Variants in KCND2 observed in about 807,000 individuals in gnomAD.
The protein encoded by KCND2 is A-type voltage-gated potassium channel KCND2.
KCND2 carries 16 observed loss-of-function variants against 54.4 expected under a neutral mutation model. The observed-to-expected ratio is 0.29, with a 90% CI of 0.20 to 0.45. The LOEUF (loss-of-function observed/expected upper bound fraction) is 0.45, where lower values mean the gene tolerates loss of function less well. Ranked by LOEUF, KCND2 falls within the 20% of genes least tolerant of loss-of-function variation. The pLI, the probability that KCND2 is intolerant of heterozygous loss-of-function variation, is 1.00. For synonymous variants in KCND2, 317 were observed against 310.7 expected, an observed-to-expected ratio of 1.02 and a Z score of -0.21; for missense variants, 486 against 824.2, an observed-to-expected ratio of 0.59 and a Z score of 5.02.
intron 1 of KCND2, among the ~76,000 whole-genome samples, chr7:120,584,683 A>C (rs1050978410): frequency 1.3e-5 from 2 of 152,228 alleles, no homozygotes; most frequent in Non-Finnish European, 2.9e-5. Flanking sequence ...TCCTAAATAC[A>C]TGGACCCACT....
At chr7:120,501,711 A>T (rs1802937533) in intron 1 of KCND2, among the ~76,000 whole-genome samples, 1 of 152,154 alleles carries the variant, frequency 6.6e-6, no homozygotes, top group Non-Finnish European at 1.5e-5. Flanking sequence ...CAAACGTAAG[A>T]AACTCGATAA....
intron 1 of KCND2, among the ~76,000 whole-genome samples, chr7:120,592,737 C>T (rs952804059): frequency 6.6e-6 from 1 of 152,158 alleles, no homozygotes; most frequent in Non-Finnish European, 1.5e-5. Flanking sequence ...AAACAAGTTA[C>T]ACAGATTGTA....
chr7:120,341,126 A>G (rs902517454), intron 1 of KCND2, among the ~76,000 whole-genome samples: 1 of 152,140 alleles, frequency 6.6e-6, no homozygotes, highest in Non-Finnish European at 1.5e-5. Context: ...AGGCTGTGAG[A>G]CTTTCTGAAG....
intron 1 of KCND2, among the ~76,000 whole-genome samples, chr7:120,606,125 C>T (rs1792878627): frequency 6.6e-6 from 1 of 152,174 alleles, no homozygotes; most frequent in Admixed American, 6.5e-5. Context: ...GAGGCCTCCC[C>T]AGCCATGTGG....
intron 1 of KCND2, among the ~76,000 whole-genome samples, chr7:120,671,302 C>T (rs1791990487): frequency 6.6e-6 from 1 of 151,948 alleles, no homozygotes; most frequent in African/African-American, 2.4e-5. Context: ...ATTGGGTTTG[C>T]CATACTGTGA....
intron 1 of KCND2, among the ~76,000 whole-genome samples, chr7:120,578,893 G>A (rs748069542): frequency 7.3e-5 from 11 of 150,372 alleles, no homozygotes; most frequent in Admixed American, 1.3e-4. Context: ...ACTCCAACCT[G>A]GGTGACAGAG....
intron 1 of KCND2, among the ~76,000 whole-genome samples, chr7:120,438,708 A>G (rs976290408): frequency 5.9e-5 from 9 of 152,162 alleles, no homozygotes; most frequent in African/African-American, 2.2e-4. Flanking sequence ...AATGTCACAC[A>G]TGAAAAAATA....
chr7:120,545,996 A>G (rs1584822020), intron 1 of KCND2, among the ~76,000 whole-genome samples: 1 of 152,078 alleles, frequency 6.6e-6, no homozygotes, highest in East Asian at 1.9e-4. Flanking sequence ...AAGAAATAAA[A>G]TGATGGTGTA....
At chr7:120,604,449 G>GC (rs1480914260) in intron 1 of KCND2, among the ~76,000 whole-genome samples, 1 of 150,656 alleles carries the variant, frequency 6.6e-6, no homozygotes, top group Non-Finnish European at 1.5e-5. Context: ...GTTGTAGTGA[G>GC]CCGAGGTCGT....
chr7:120,488,442 T>G (rs1802725361), intron 1 of KCND2, among the ~76,000 whole-genome samples: 1 of 151,758 alleles, frequency 6.6e-6, no homozygotes, highest in African/African-American at 2.4e-5. Flanking sequence ...GCTCTTGATT[T>G]GGAAAAAAAG....
At chr7:120,482,908 C>T (rs922198370) in intron 1 of KCND2, among the ~76,000 whole-genome samples, 10 of 152,152 alleles carry the variant, frequency 6.6e-5, no homozygotes, top group Admixed American at 2.0e-4. Flanking sequence ...TGATTAATTG[C>T]GTCACTTATT....
chr7:120,274,860 C>T lies in KCND2; in HGVS notation c.228C>T (p.Tyr76=). ...GCAGTTCTGAGAGGGACTTTTTCTACCACCCAGAAACTCAGCAGTATTTCT... is the reference window on the plus strand; with the variant it reads ...GCAGTTCTGAGAGGGACTTTTTCTATCACCCAGAAACTCAGCAGTATTTCT... The part of the protein sequence containing the change: ...LLGSSERDFF[Y]HPETQQYFFD... Residue 76 remains tyrosine, a synonymous_variant, in exon 1 of 6, where the codon TAC becomes TAT. Transcript: ENST00000331113. The T allele has an allele frequency of 6.2e-7, 1 of 1,614,166 alleles. No individual in the cohort carries two copies. The highest frequency in any genetic ancestry group is 8.5e-7 in the Non-Finnish European group (1 of 1,180,018).
intron 1 of KCND2, among the ~76,000 whole-genome samples, chr7:120,587,680 A>C (rs1313656542): frequency 6.6e-6 from 1 of 152,300 alleles, no homozygotes; most frequent in Middle Eastern, 3.4e-3. Context: ...ATGAAAAACC[A>C]CCACTTTCAG....
intron 1 of KCND2, among the ~76,000 whole-genome samples, chr7:120,667,655 G>C (rs1791945128): frequency 6.6e-6 from 1 of 151,940 alleles, no homozygotes; most frequent in Non-Finnish European, 1.5e-5. Context: ...ATACCCTCAT[G>C]GTTTTCTTTT....
intron 1 of KCND2, among the ~76,000 whole-genome samples, chr7:120,306,091 T>A (rs543162465): frequency 6.6e-6 from 1 of 152,144 alleles, no homozygotes; most frequent in Admixed American, 6.6e-5. Flanking sequence ...TGTGACTGTT[T>A]CCTGCATTCA....
intron 1 of KCND2, among the ~76,000 whole-genome samples, chr7:120,428,851 T>C (rs1801751429): frequency 6.6e-6 from 1 of 152,210 alleles, no homozygotes; most frequent in Non-Finnish European, 1.5e-5. Flanking sequence ...TTCTGGGCTG[T>C]GATAAAATAC....
chr7:120,676,569 A>G (rs562526577), intron 1 of KCND2, among the ~76,000 whole-genome samples: 1 of 152,290 alleles, frequency 6.6e-6, no homozygotes, highest in African/African-American at 2.4e-5. Context: ...GAATGTAGTT[A>G]TTGTATATTG....
chr7:120,390,934 T>C (rs992762531), intron 1 of KCND2, among the ~76,000 whole-genome samples: 3 of 152,114 alleles, frequency 2.0e-5, no homozygotes, highest in Admixed American at 1.3e-4. Flanking sequence ...AGTTCTGGGA[T>C]ACATGTGCTG....
chr7:120,637,320 C>T (rs113009331), intron 1 of KCND2, among the ~76,000 whole-genome samples: 166 of 152,198 alleles, frequency 1.1e-3, no homozygotes, highest in African/African-American at 3.6e-3. Flanking sequence ...TCCTTTGCTT[C>T]TTACTTGCTA....
Sources: allele counts gnomAD v4.1 joint callset (sites outside exome capture counted in the v4.1 genomes callset), GRCh38; gene constraint gnomAD v4.1.1; transcripts MANE v1.5; gene names NCBI Gene and HGNC (gene_info 2026-07-23, HGNC 2026-07-21).